The following PLD5 variants were observed in gnomAD, a reference collection of about 807,000 sequenced individuals.
PLD5 encodes phospholipase D family member 5.
A neutral mutation model predicts 61.1 loss-of-function variants in PLD5; 36 were observed. That is an observed-to-expected ratio of 0.59 (90% CI 0.45 to 0.78). PLD5 has a LOEUF of 0.78. PLD5 is among the 30% of genes least tolerant of loss of function. PLD5 has a pLI of 0.00. For synonymous variants in PLD5, 243 were observed against 242.8 expected (o/e 1.00, Z -0.01); for missense variants, 515 against 644.4 (o/e 0.80, Z 2.17).
chr1:242,097,084 A>C (rs931300571), intron 9 of PLD5, among the ~76,000 whole-genome samples: 4 of 152,096 alleles, frequency 2.6e-5, no homozygotes, highest in Admixed American at 6.6e-5. Context: ...TGAACTCATC[A>C]TTTTTTATGG....
intron 1 of PLD5, among the ~76,000 whole-genome samples, chr1:242,492,470 C>T (rs1242623158): frequency 1.4e-5 from 2 of 146,904 alleles, no homozygotes; most frequent in East Asian, 4.0e-4. Flanking sequence ...TTCAGTAAGC[C>T]GAGATCACAC....
At chr1:242,307,655 G>T (rs2997796) in intron 2 of PLD5, among the ~76,000 whole-genome samples, 2 of 151,846 alleles carry the variant, frequency 1.3e-5, no homozygotes, top group African/African-American at 4.9e-5. Context: ...GACTGTATCA[G>T]GACAACAGTT....
intron 2 of PLD5, among the ~76,000 whole-genome samples, chr1:242,290,145 T>G (rs375332064): frequency 1.6e-3 from 243 of 149,480 alleles, no homozygotes; most frequent in African/African-American, 5.2e-3. Context: ...TCATATGTAC[T>G]GACTCAAATA....
chr1:242,369,410 G>A (rs997964887), intron 1 of PLD5, among the ~76,000 whole-genome samples: 1 of 152,048 alleles, frequency 6.6e-6, no homozygotes, highest in Non-Finnish European at 1.5e-5. Context: ...GTTTACATAT[G>A]TGCATAAAGA....
intron 2 of PLD5, among the ~76,000 whole-genome samples, chr1:242,309,777 T>C (rs1676590018): frequency 6.6e-6 from 1 of 150,400 alleles, no homozygotes; most frequent in Non-Finnish European, 1.5e-5. Context: ...TTTCTAAGGT[T>C]GAAGATGGAA....
At chr1:242,176,984 A>G (rs1667190093) in intron 5 of PLD5, among the ~76,000 whole-genome samples, 1 of 152,194 alleles carries the variant, frequency 6.6e-6, no homozygotes, top group Non-Finnish European at 1.5e-5. Flanking sequence ...GTGGGAGTGT[A>G]AATTAGTTCA....
chr1:242,359,296 C>T (rs886149723), intron 1 of PLD5, among the ~76,000 whole-genome samples: 5 of 152,110 alleles, frequency 3.3e-5, no homozygotes, highest in Non-Finnish European at 7.4e-5. Flanking sequence ...CTCCTCACCT[C>T]TCTTTTTTGA....
intron 5 of PLD5, among the ~76,000 whole-genome samples, chr1:242,195,838 T>C (rs1249912378): frequency 6.6e-6 from 1 of 152,252 alleles, no homozygotes; most frequent in African/African-American, 2.4e-5. Flanking sequence ...TCCTACCCTT[T>C]GTTCAAGGAT....
At chr1:242,429,127 C>A (rs984878813) in intron 1 of PLD5, among the ~76,000 whole-genome samples, 21 of 152,158 alleles carry the variant, frequency 1.4e-4, no homozygotes. Context: ...GATGAGAAAT[C>A]GGAATGCCAC....
At chr1:242,109,828 G>A (rs1661340719) in intron 7 of PLD5, among the ~76,000 whole-genome samples, 1 of 151,686 alleles carries the variant, frequency 6.6e-6, no homozygotes, top group Non-Finnish European at 1.5e-5. Context: ...TTCACCTAGT[G>A]TCTGTAATAT....
chr1:242,426,081 T>C (rs992263816), intron 1 of PLD5, among the ~76,000 whole-genome samples: 1 of 152,138 alleles, frequency 6.6e-6, no homozygotes, highest in Non-Finnish European at 1.5e-5. Context: ...TTCTTTTTTC[T>C]ATATTTTAAA....
chr1:242,523,437 T>G (rs921335994), intron 1 of PLD5, among the ~76,000 whole-genome samples: 1 of 150,466 alleles, frequency 6.6e-6, no homozygotes, highest in African/African-American at 2.5e-5. Flanking sequence ...GGAGTAGAGG[T>G]CCCCTCTCAC....
chr1:242,414,246 G>C (rs980657512), intron 1 of PLD5, among the ~76,000 whole-genome samples: 52 of 152,294 alleles, frequency 3.4e-4, no homozygotes, highest in African/African-American at 1.1e-3. Context: ...CAAAAGGATT[G>C]AGTGTTTAAT....
chr1:242,407,479 C>T lies in PLD5; in HGVS notation c.190-59237G>A, dbSNP rs74588800. 4.7e-3 allele frequency among the ~76,000 whole-genome samples: 718 copies of T among 152,106 alleles called. 9 individuals are homozygous for T. The highest frequency in any genetic ancestry group is 0.016 in the African/African-American group (669 of 41,470). On this transcript the variant is annotated intron_variant, in intron 1 of 9. Transcript: ENST00000536534. Reference sequence around the variant, plus strand: ...TCCAGAGGTAATCATGACTAACAGTCTGCCATACTTCTGTAGAGATCTCCA... The same window carrying T: ...TCCAGAGGTAATCATGACTAACAGTTTGCCATACTTCTGTAGAGATCTCCA...
chr1:242,394,081 A>T (rs953455191), intron 1 of PLD5, among the ~76,000 whole-genome samples: 1 of 141,736 alleles, frequency 7.1e-6, no homozygotes, highest in Non-Finnish European at 1.5e-5. Flanking sequence ...TATATATATG[A>T]GTATATATAT....
At chr1:242,366,748 C>T (rs1661364961) in intron 1 of PLD5, among the ~76,000 whole-genome samples, 1 of 151,966 alleles carries the variant, frequency 6.6e-6, no homozygotes, top group Non-Finnish European at 1.5e-5. Context: ...AATTGAGCTC[C>T]TTGAGTTCTA....
chr1:242,409,239 T>C (rs908440951), intron 1 of PLD5, among the ~76,000 whole-genome samples: 5 of 152,114 alleles, frequency 3.3e-5, no homozygotes, highest in Admixed American at 2.6e-4. Context: ...AAATTTATCT[T>C]AGCAGTTCTC....
chr1:242,464,225 C>T (rs1361865470), intron 1 of PLD5, among the ~76,000 whole-genome samples: 1 of 152,066 alleles, frequency 6.6e-6, no homozygotes, highest in Admixed American at 6.5e-5. Context: ...ACCTTTGAGC[C>T]CTTTATTGTC....
rs554962263 is a variant in PLD5, at chr1:242,173,752, C to T, written c.735+46236G>A. ...CCTCAGAAATAATACCACACATCTA[C>T]AACCATCTGATCTTTGACAAACCTG... On this transcript the variant is annotated intron_variant, in intron 5 of 9. Transcript: ENST00000536534. 4.6e-3 allele frequency among the ~76,000 whole-genome samples: 699 copies of T among 152,246 alleles called. 4 individuals carry two copies. The highest frequency in any genetic ancestry group is 8.2e-3 in the Non-Finnish European group (557 of 68,020).
Sources: gnomAD v4.1 joint callset for allele counts (sites outside exome capture counted in the v4.1 genomes callset) on GRCh38, gnomAD v4.1.1 for gene constraint, MANE v1.5 for transcripts, NCBI Gene and HGNC (gene_info 2026-07-23, HGNC 2026-07-21) for gene names.